The following WDR20 variants were observed in gnomAD, a reference collection of about 807,000 sequenced individuals.
WDR20 encodes the protein WD repeat-containing protein 20.
A neutral mutation model predicts 38.7 loss-of-function variants in WDR20; 3 were observed. The ratio of observed to expected loss-of-function variants is 0.08; its 90% confidence interval spans 0.04 to 0.20. The LOEUF is 0.20. Among genes scored for constraint, WDR20 ranks in the 10% least tolerant of loss-of-function variants. The pLI is 1.00. For missense variants in WDR20, 559 were observed against 727.7 expected (o/e 0.77, Z 2.67); for synonymous variants, 298 against 285.6 (o/e 1.04, Z -0.44).
intron 1 of WDR20, among the ~76,000 whole-genome samples, chr14:102,170,785 G>T (rs575107447): frequency 0.014 from 2,100 of 152,084 alleles, 56 homozygotes; most frequent in African/African-American, 0.048. Flanking sequence ...GCACCACCAT[G>T]CCCAGCTTTT....
intron 2 of WDR20, among the ~76,000 whole-genome samples, chr14:102,205,232 A>C (rs1170792148): frequency 6.6e-6 from 1 of 151,576 alleles, no homozygotes; most frequent in African/African-American, 2.4e-5. Context: ...CTGCACTCCA[A>C]CCTGAGTGAT....
intron 2 of WDR20, among the ~76,000 whole-genome samples, chr14:102,203,095 A>C (rs1292047117): frequency 6.6e-6 from 1 of 151,434 alleles, no homozygotes; most frequent in Non-Finnish European, 1.5e-5. Flanking sequence ...CATCACCCCC[A>C]CCCCACCTTG....
chr14:102,220,003 A>G (rs1348924523), downstream of WDR20, among the ~76,000 whole-genome samples: 1 of 152,246 alleles, frequency 6.6e-6, no homozygotes, highest in Non-Finnish European at 1.5e-5. This position sits in a 1 kb window ranked among gnomAD's most constrained non-coding sequence, Gnocchi z 4.2. Context: ...AAACTGGAGA[A>G]TGAGTGTGCA....
chr14:102,161,129 TATATATATATATA>T (rs1396847752), intron 1 of WDR20, among the ~76,000 whole-genome samples: 1 of 7,960 alleles, frequency 1.3e-4, no homozygotes, highest in East Asian at 7.6e-3. Context: ...TGCATATATA[TATATATATATATA>T]TTTTTTTTTT....
At chr14:102,180,695 A>C (rs2063205048) in intron 1 of WDR20, among the ~76,000 whole-genome samples, 1 of 152,162 alleles carries the variant, frequency 6.6e-6, no homozygotes, top group African/African-American at 2.4e-5. Context: ...GAGAGATCAG[A>C]TCTTGCTGTG....
In WDR20 at chr14:102,155,157, G is replaced by A. The variant is rs76439737; in HGVS notation, c.249+14985G>A. ...AGGTTGTTTAACCTCTCAGAGCCTC[G>A]GGTTTCATTTTTTGTAAATAGAGAT... On this transcript the variant is annotated intron_variant, in intron 1 of 2. Coordinates refer to ENST00000342702, the MANE Select transcript of WDR20 (RefSeq NM_144574.4). Among the ~76,000 whole-genome samples, 107 of 152,174 alleles carry A rather than the reference G, an allele frequency of 7.0e-4. No homozygotes were observed. In the East Asian group the frequency reaches 0.018, roughly 26 times the overall value.
intron 1 of WDR20, among the ~76,000 whole-genome samples, chr14:102,149,782 C>G (rs2055079634): frequency 6.6e-6 from 1 of 152,206 alleles, no homozygotes; most frequent in African/African-American, 2.4e-5. Context: ...CAACCTCTGC[C>G]TCCTGGGTTC....
In WDR20 at chr14:102,222,704, T is replaced by C; in HGVS notation, c.1693-126T>C. On this transcript the variant is annotated intron_variant, in intron 3 of 3. Transcript: ENST00000335263. The surrounding 1 kb of genome is among the most constrained non-coding windows in gnomAD (Gnocchi z 4.4). ...TAAATAGATGAAGTGGAGGGTTTGC[T>C]CCCACACTGGCTTCCACATCAACAG... The C allele has an allele frequency of 1.1e-6, 1 of 931,542 alleles. No homozygotes were observed. The highest frequency in any genetic ancestry group is 1.7e-6 in the Non-Finnish European group (1 of 573,846). The allele number at this position is 931,542 out of a possible 1,614,324, so 57.7% of individuals were successfully genotyped here.
chr14:102,185,553 C>T lies in WDR20; in HGVS notation c.250-9385C>T, dbSNP rs546688164. Among the ~76,000 whole-genome samples, 8 of 152,166 alleles carry T rather than the reference C, an allele frequency of 5.3e-5. No homozygotes were observed. The South Asian group carries it at 1.7e-3, about 32-fold the overall frequency. The stretch of plus-strand genomic sequence containing the variant: ...GACTCTACCACTGGGTTCCTCTGGG[C>T]GGCTGATTCTATTTTCTTGTTTACA... On this transcript the variant is annotated intron_variant, in intron 1 of 2. Coordinates refer to ENST00000342702, the MANE Select transcript of WDR20 (RefSeq NM_144574.4).
intron 1 of WDR20, among the ~76,000 whole-genome samples, chr14:102,161,560 C>A (rs2058759751): frequency 6.6e-6 from 1 of 152,008 alleles, no homozygotes; most frequent in African/African-American, 2.4e-5. Flanking sequence ...ATTTAGCATA[C>A]TTAGGAATGT....
intron 1 of WDR20, among the ~76,000 whole-genome samples, chr14:102,167,195 T>C (rs1342033437): frequency 6.6e-6 from 1 of 152,170 alleles, no homozygotes; most frequent in Non-Finnish European, 1.5e-5. Flanking sequence ...TAACCTTTTT[T>C]GACATAGATT....
intron 1 of WDR20, among the ~76,000 whole-genome samples, chr14:102,148,721 C>T (rs2152706574): frequency 6.8e-6 from 1 of 147,780 alleles, no homozygotes; most frequent in South Asian, 2.1e-4. Context: ...GGAACAGGGT[C>T]TCACTGTGTC....
intron 1 of WDR20, among the ~76,000 whole-genome samples, chr14:102,158,152 A>G (rs945173896): frequency 1.3e-5 from 2 of 152,110 alleles, no homozygotes; most frequent in Non-Finnish European, 2.9e-5. Context: ...TCCTCTGCCT[A>G]CTGCACATCT....
At position 102,150,790 on chromosome 14, in the gene WDR20, A is replaced by G. The variant is rs139915321; in HGVS notation, c.249+10618A>G. Among the ~76,000 whole-genome samples, 68 of 152,340 alleles carry G rather than the reference A, an allele frequency of 4.5e-4. No homozygotes were observed. The East Asian group carries it at 0.012, about 27-fold the overall frequency. ...ATGAGGTATGGGCCCTGACCTTAAGAGTATCATCTAACCAAGGACGGACAT... is the reference window on the plus strand; with the variant it reads ...ATGAGGTATGGGCCCTGACCTTAAGGGTATCATCTAACCAAGGACGGACAT... On this transcript the variant is annotated intron_variant, in intron 1 of 2. Transcript: ENST00000342702.
At chr14:102,180,867 G>A (rs1007673086) in intron 1 of WDR20, among the ~76,000 whole-genome samples, 3 of 152,098 alleles carry the variant, frequency 2.0e-5, no homozygotes, top group Admixed American at 6.5e-5. Context: ...GCCTGTTTCC[G>A]CCATCCTTGT....
intron 1 of WDR20, among the ~76,000 whole-genome samples, chr14:102,183,644 C>T (rs747016328): frequency 6.6e-6 from 1 of 152,192 alleles, no homozygotes; most frequent in East Asian, 1.9e-4. Flanking sequence ...CTTCCTGGGC[C>T]TCAGTTTCTC....
intron 1 of WDR20, among the ~76,000 whole-genome samples, chr14:102,178,020 T>C (rs970018154): frequency 6.6e-6 from 1 of 152,228 alleles, no homozygotes; most frequent in Non-Finnish European, 1.5e-5. Context: ...TCCCTGTGCC[T>C]TGGCATCCTC....
intron 1 of WDR20, among the ~76,000 whole-genome samples, chr14:102,141,450 G>A (rs2051101063): frequency 6.6e-6 from 1 of 151,960 alleles, no homozygotes; most frequent in East Asian, 1.9e-4. Flanking sequence ...TGTATTTAGG[G>A]TATGCTGTTG....
intron 2 of WDR20, chr14:102,197,975 C>T: frequency 1.8e-6 from 1 of 560,504 alleles, no homozygotes. Flanking sequence ...TGACCCCTCT[C>T]AGGAGGGAAG....
Sources: gnomAD v4.1 joint callset for allele counts (sites outside exome capture counted in the v4.1 genomes callset) on GRCh38, gnomAD v4.1.1 for gene constraint, Gnocchi (gnomAD v3.1) non-coding constraint, MANE v1.5 for transcripts, NCBI Gene and HGNC (gene_info 2026-07-23, HGNC 2026-07-21) for gene names.